The following ARMC2 variants were observed in gnomAD, a reference collection of about 807,000 sequenced individuals.
ARMC2 encodes the protein armadillo repeat containing 2.
A neutral mutation model predicts 90.3 loss-of-function variants in ARMC2; 67 were observed. The ratio of observed to expected loss-of-function variants is 0.74; its 90% CI spans 0.61 to 0.91. The LOEUF is 0.91. Ranked by LOEUF, ARMC2 falls within the 40% of genes least tolerant of loss-of-function variation. The probability of loss-of-function intolerance (pLI) is 0.00; values close to 1 mark genes in which losing one functional copy is unlikely to be tolerated. For missense variants in ARMC2, 920 were observed against 1,030.9 expected, an observed-to-expected ratio of 0.89 and a Z score of 1.47; for synonymous variants, 393 against 393.0, an observed-to-expected ratio of 1.00 and a Z score of 0.00.
the ARMC2 span, among the ~76,000 whole-genome samples, chr6:108,984,096 G>A: frequency 0.1 from 15,341 of 152,206 alleles, 910 homozygotes; most frequent in Middle Eastern, 0.19. Context: ...TGCACTCCTT[G>A]TAAGAATCTA....
chr6:108,979,564 C>T, the ARMC2 span, among the ~76,000 whole-genome samples: 1 of 152,096 alleles, frequency 6.6e-6, no homozygotes, highest in Non-Finnish European at 1.5e-5. Context: ...GGAAGTTCTC[C>T]TGGTTAATAT....
At chr6:108,903,176 A>G (rs1374743218) in intron 7 of ARMC2, among the ~76,000 whole-genome samples, 3 of 152,186 alleles carry the variant, frequency 2.0e-5, no homozygotes, top group East Asian at 1.9e-4. Flanking sequence ...TCAAAAAAAT[A>G]TAGGTATTAC....
chr6:109,028,099 G>T, the ARMC2 span, among the ~76,000 whole-genome samples: 1 of 151,764 alleles, frequency 6.6e-6, no homozygotes, highest in Non-Finnish European at 1.5e-5. Context: ...AATGTCTCAT[G>T]CTTGTATTCT....
the ARMC2 span, chr6:108,988,339 C>T: frequency 2.3e-6 from 1 of 429,940 alleles, no homozygotes; most frequent in Admixed American, 4.3e-5. Flanking sequence ...CGGGCCAGCC[C>T]ACCTGTGTTC....
intron 5 of ARMC2, among the ~76,000 whole-genome samples, chr6:108,886,130 G>A (rs1778077462): frequency 6.6e-6 from 1 of 152,178 alleles, no homozygotes; most frequent in African/African-American, 2.4e-5. Flanking sequence ...TTATCCATAA[G>A]CATCCTTTAC....
chr6:108,924,552 G>A (rs777687464), intron 10 of ARMC2, among the ~76,000 whole-genome samples: 22 of 152,034 alleles, frequency 1.4e-4, no homozygotes, highest in Admixed American at 3.3e-4. Flanking sequence ...AAGTGTAATC[G>A]AGGGCACTCT....
chr6:108,874,112 C>G (rs1395246661), intron 4 of ARMC2, among the ~76,000 whole-genome samples: 1 of 152,242 alleles, frequency 6.6e-6, no homozygotes, highest in African/African-American at 2.4e-5. Flanking sequence ...CTGCAACTGT[C>G]TACCGAGAAG....
At chr6:108,952,092 A>G (rs1431763044) in intron 12 of ARMC2, among the ~76,000 whole-genome samples, 1 of 152,188 alleles carries the variant, frequency 6.6e-6, no homozygotes, top group Non-Finnish European at 1.5e-5. Context: ...CTGTATATAT[A>G]GATATAGATA....
At chr6:108,930,489 G>T (rs574046787) in intron 11 of ARMC2, among the ~76,000 whole-genome samples, 1 of 149,708 alleles carries the variant, frequency 6.7e-6, no homozygotes, top group Non-Finnish European at 1.5e-5. Context: ...TTCACTAGTT[G>T]AAAATAATAT....
intron 13 of ARMC2, among the ~76,000 whole-genome samples, chr6:108,954,441 G>A (rs1777418006): frequency 6.6e-6 from 1 of 152,122 alleles, no homozygotes; most frequent in Admixed American, 6.5e-5. Context: ...TGGCCAACAT[G>A]GTGAAACCCC....
At chr6:108,984,383 TAGTG>T in the ARMC2 span, among the ~76,000 whole-genome samples, 3 of 152,182 alleles carry the variant, frequency 2.0e-5, no homozygotes, top group Non-Finnish European at 1.5e-5. Flanking sequence ...ATTTAGTGCC[TAGTG>T]AGTGTTTTCT....
chr6:108,947,018 GC>G, intron 12 of ARMC2, among the ~76,000 whole-genome samples: 1 of 152,286 alleles, frequency 6.6e-6, no homozygotes, highest in African/African-American at 2.4e-5. Context: ...CATTTAATAG[GC>G]AGTAGATGTT....
the ARMC2 span, among the ~76,000 whole-genome samples, chr6:109,018,007 A>G: frequency 6.6e-6 from 1 of 152,174 alleles, no homozygotes; most frequent in Non-Finnish European, 1.5e-5. Context: ...GTCTCTTTCT[A>G]TAGAACAATA....
intron 8 of ARMC2, chr6:108,907,581 G>C: frequency 6.6e-7 from 1 of 1,524,118 alleles, no homozygotes; most frequent in Non-Finnish European, 9.0e-7. Flanking sequence ...CAAGGTCGTG[G>C]GGTGGGGGGG....
rs1375873458 is a variant in ARMC2 at position 108,963,820 on chromosome 6, A to ACAGACAGT, written c.2153-359_2153-352dup. Among the ~76,000 whole-genome samples the ACAGACAGT allele has an allele frequency of 2.6e-5, 4 of 151,928 alleles. No individual in the cohort carries two copies. The South Asian group carries it at 8.3e-4, about 31-fold the overall frequency. On this transcript the variant is annotated intron_variant, in intron 15 of 17. Coordinates refer to ENST00000392644, the MANE Select transcript of ARMC2 (RefSeq NM_032131.6). ...CCTCTCCAGGACTGTGTATTTAAAG[A>ACAGACAGT]CAGACAGTTGCTGCTGGAGGTTTAG...
chr6:108,893,268 T>A (rs1252275055), intron 5 of ARMC2, among the ~76,000 whole-genome samples: 1 of 152,240 alleles, frequency 6.6e-6, no homozygotes, highest in Non-Finnish European at 1.5e-5. Context: ...AGTTTTTTAA[T>A]GTTTAAAATA....
intron 6 of ARMC2, among the ~76,000 whole-genome samples, chr6:108,898,716 C>T (rs973275407): frequency 2.6e-5 from 4 of 152,128 alleles, no homozygotes; most frequent in African/African-American, 9.7e-5. Context: ...GTTATATGAC[C>T]CCAGGCAGAT....
At chr6:109,014,629 G>GT in the ARMC2 span, among the ~76,000 whole-genome samples, 13 of 152,210 alleles carry the variant, frequency 8.5e-5, no homozygotes, top group Non-Finnish European at 1.5e-4. Flanking sequence ...TTTTTTGTTT[G>GT]TTTGTTTTGT....
intron 10 of ARMC2, among the ~76,000 whole-genome samples, chr6:108,917,968 A>C (rs891748601): frequency 2.6e-5 from 4 of 152,154 alleles, no homozygotes; most frequent in Non-Finnish European, 4.4e-5. Flanking sequence ...GGCATGAGCT[A>C]CTGCTCCCGG....
Sources: allele counts gnomAD v4.1 joint callset (sites outside exome capture counted in the v4.1 genomes callset), GRCh38; gene constraint gnomAD v4.1.1; transcripts MANE v1.5; gene names NCBI Gene and HGNC (gene_info 2026-07-23, HGNC 2026-07-21).